TENM2: variants seen among roughly 807,000 people sequenced by gnomAD.
TENM2 encodes the protein teneurin transmembrane protein 2.
TENM2 carries 52 observed loss-of-function variants against 245.2 expected under a neutral mutation model. The ratio of observed to expected loss-of-function variants is 0.21; its 90% CI spans 0.17 to 0.27. TENM2 has a LOEUF of 0.27. Among genes scored for constraint, TENM2 ranks in the 10% least tolerant of loss-of-function variants. TENM2 has a pLI of 1.00. For synonymous variants in TENM2, 1,363 were observed against 1,438.9 expected (o/e 0.95, Z 1.19); for missense variants, 3,046 against 3,666.8 (o/e 0.83, Z 4.37).
chr5:167,265,331 C>CAAAAAA, the TENM2 span, among the ~76,000 whole-genome samples: 42 of 39,390 alleles, frequency 1.1e-3, 1 homozygote, highest in African/African-American at 3.1e-3. Context: ...GACTCTGTCT[C>CAAAAAA]AAAAAAAAAA....
At chr5:167,802,952 A>G (rs1765891897) in intron 2 of TENM2, among the ~76,000 whole-genome samples, 1 of 152,170 alleles carries the variant, frequency 6.6e-6, no homozygotes, top group African/African-American at 2.4e-5. Flanking sequence ...TTGACCCTGT[A>G]TATTCAAAGA....
At chr5:167,451,938 C>A (rs780240601) in intron 2 of TENM2, among the ~76,000 whole-genome samples, 1 of 152,062 alleles carries the variant, frequency 6.6e-6, no homozygotes, top group African/African-American at 2.4e-5. Flanking sequence ...CATGAGCCAC[C>A]GCGTCTGGCA....
At chr5:168,124,974 T>G in exon 11 of TENM2, 2 of 1,611,798 alleles carry the variant, frequency 1.2e-6, no homozygotes, top group Non-Finnish European at 8.5e-7. Context: ...ACCAGTGCAG[T>G]GGGCATGGCA....
At chr5:167,840,626 C>CT (rs1769419457) in intron 2 of TENM2, among the ~76,000 whole-genome samples, 1 of 151,996 alleles carries the variant, frequency 6.6e-6, no homozygotes, top group Non-Finnish European at 1.5e-5. Flanking sequence ...CAAGCAGTGC[C>CT]TAGTCTCACA....
intron 7 of TENM2, among the ~76,000 whole-genome samples, chr5:168,067,870 C>T (rs905213315): frequency 3.3e-5 from 5 of 152,112 alleles, no homozygotes; most frequent in Admixed American, 6.6e-5. Context: ...CATCAAATCG[C>T]GCTTTGCAGA....
At chr5:167,638,776 A>G (rs887384865) in intron 2 of TENM2, among the ~76,000 whole-genome samples, 1 of 152,248 alleles carries the variant, frequency 6.6e-6, no homozygotes, top group Non-Finnish European at 1.5e-5. Flanking sequence ...AGTTTCAATC[A>G]GGAGGCTTTG....
intron 2 of TENM2, among the ~76,000 whole-genome samples, chr5:167,837,764 A>G (rs953927522): frequency 1.3e-5 from 2 of 151,610 alleles, no homozygotes; most frequent in African/African-American, 2.4e-5. Flanking sequence ...ATAGACTCCA[A>G]CCACACAACT....
chr5:167,964,990 G>C (rs1781285237), intron 4 of TENM2, among the ~76,000 whole-genome samples: 1 of 152,172 alleles, frequency 6.6e-6, no homozygotes, highest in South Asian at 2.1e-4. Context: ...GGGGCAGTTA[G>C]AGTGGAAAGT....
intron 4 of TENM2, among the ~76,000 whole-genome samples, chr5:167,962,834 T>C (rs1455166882): frequency 2.0e-5 from 3 of 152,130 alleles, no homozygotes; most frequent in Admixed American, 1.3e-4. Context: ...ACTGGGTCCC[T>C]CCCATGACAC....
chr5:168,105,066 A>G (rs1195687286), intron 9 of TENM2, among the ~76,000 whole-genome samples: 1 of 152,176 alleles, frequency 6.6e-6, no homozygotes, highest in East Asian at 1.9e-4. Context: ...AATGCCATAG[A>G]CATTCCAAAG....
intron 7 of TENM2, among the ~76,000 whole-genome samples, chr5:168,075,858 C>T (rs372892709): frequency 4.5e-4 from 68 of 152,272 alleles, no homozygotes; most frequent in African/African-American, 1.6e-3. Context: ...TGGCGGCAGG[C>T]AAGAGAGCAT....
rs907603167 is a variant in TENM2 at position 168,217,268 on chromosome 5, A to G, written c.4233+346A>G. On this transcript the variant is annotated intron_variant, in intron 22 of 28. Transcript: ENST00000518659. ...TTGAGAATGTACTGTACAGTGTTAT[A>G]TGTCAATCAGAACTTCCCCTTTAAT... 2.0e-5 allele frequency among the ~76,000 whole-genome samples: 3 copies of G among 152,192 alleles called. 1 individual carries two copies. The highest frequency in any genetic ancestry group is 4.4e-5 in the Non-Finnish European group (3 of 68,028).
At chr5:167,189,539 TTC>T in the TENM2 span, among the ~76,000 whole-genome samples, 1 of 151,872 alleles carries the variant, frequency 6.6e-6, no homozygotes, top group African/African-American at 2.4e-5. Context: ...CTTTCTTTCG[TTC>T]TCTCTTTCTT....
At chr5:167,686,716 G>A (rs764195856) in intron 2 of TENM2, among the ~76,000 whole-genome samples, 3 of 152,126 alleles carry the variant, frequency 2.0e-5, no homozygotes, top group Non-Finnish European at 4.4e-5. Flanking sequence ...AAAAGGATGG[G>A]TAGACCACTT....
intron 4 of TENM2, among the ~76,000 whole-genome samples, chr5:167,969,281 G>T (rs918264033): frequency 3.3e-5 from 5 of 151,680 alleles, no homozygotes; most frequent in Non-Finnish European, 5.9e-5. Context: ...TGCTCTTCTC[G>T]TGGTAGTGAA....
chr5:167,213,755 A>G, the TENM2 span, among the ~76,000 whole-genome samples: 1 of 152,234 alleles, frequency 6.6e-6, no homozygotes, highest in African/African-American at 2.4e-5. Context: ...AAAAGTGTAT[A>G]TAAAACAAAT....
At chr5:167,583,473 T>TAC (rs10682735) in intron 2 of TENM2, among the ~76,000 whole-genome samples, 18,284 of 137,442 alleles carry the variant, frequency 0.13, 1,238 homozygotes, top group East Asian at 0.24. Context: ...TGAGTATATG[T>TAC]ACACACACAC....
rs761331287 is a variant in TENM2, at chr5:167,456,473, T to TAC, written c.502+81016_502+81017dup. Among the ~76,000 whole-genome samples, 61 of 151,350 alleles carry TAC rather than the reference T, an allele frequency of 4.0e-4. 1 individual carries two copies. The highest frequency in any genetic ancestry group is 1.0e-3 in the South Asian group (5 of 4,784). ...TAAGTCCATTTCTTGTTGCTATGAA[T>TAC]ACACACACACACACACATCTGGTTT... is the stretch of plus-strand genomic sequence containing the variant. On this transcript the variant is annotated intron_variant, in intron 2 of 28. Transcript: ENST00000518659.
chr5:167,483,794 A>G (rs1767904908), intron 2 of TENM2, among the ~76,000 whole-genome samples: 1 of 152,214 alleles, frequency 6.6e-6, no homozygotes, highest in Non-Finnish European at 1.5e-5. Flanking sequence ...GAAGTTTATT[A>G]TAATTTGTTA....
Sources: gnomAD v4.1 joint callset for allele counts (sites outside exome capture counted in the v4.1 genomes callset) on GRCh38, gnomAD v4.1.1 for gene constraint, MANE v1.5 for transcripts, NCBI Gene and HGNC (gene_info 2026-07-23, HGNC 2026-07-21) for gene names.